SGPP2: variants seen among roughly 807,000 people sequenced by gnomAD.
SGPP2 encodes the protein sphingosine-1-phosphate phosphatase 2, also known as sphingosine 1-phosphate phosphohydrolase 2.
SGPP2 carries 30 observed loss-of-function variants against 33.9 expected under a neutral mutation model. The observed-to-expected ratio is 0.89, with a 90% confidence interval of 0.66 to 1.20. The LOEUF (loss-of-function observed/expected upper bound fraction) is 1.20. SGPP2 is among the 50% of genes most tolerant of loss of function. SGPP2 has a pLI of 0.00. For missense variants in SGPP2, 458 were observed against 532.1 expected, an observed-to-expected ratio of 0.86 and a Z score of 1.37; for synonymous variants, 233 against 225.0, an observed-to-expected ratio of 1.04 and a Z score of -0.32.
intron 2 of SGPP2, among the ~76,000 whole-genome samples, chr2:222,482,716 C>G (rs1393542563): frequency 6.6e-6 from 1 of 152,160 alleles, no homozygotes; most frequent in African/African-American, 2.4e-5. Context: ...AGACACAGCC[C>G]CTGGTGTAGT....
rs60235375 is a variant in SGPP2 at position 222,490,604 on chromosome 2, A to ATT, written c.378+15898_378+15899dup. ...AGGTACAAGCCAACACACCTGGCTA[A>ATT]TTTTTTTTTTTTTTTTTTTTTGTAA... On this transcript the variant is annotated intron_variant, in intron 2 of 4. Coordinates refer to ENST00000321276, the MANE Select transcript of SGPP2 (RefSeq NM_152386.4). Among the ~76,000 whole-genome samples, 931 of 115,420 alleles carry ATT rather than the reference A, an allele frequency of 8.1e-3. 11 individuals carry two copies. The highest frequency in any genetic ancestry group is 0.027 in the African/African-American group (867 of 32,664). The allele number at this position is 115,420 out of a possible 152,430, so 75.7% of individuals were successfully genotyped here.
In SGPP2 at chr2:222,465,531, C is replaced by T. The variant is rs1697732510; in HGVS notation, c.220-9037C>T. Among the ~76,000 whole-genome samples the T allele has an allele frequency of 1.3e-5, 2 of 152,126 alleles. No homozygotes were observed. The highest frequency in any genetic ancestry group is 4.8e-5 in the African/African-American group (2 of 41,408). ...CATGGTAGAAATGATGCCATTTCAC[C>T]CCAGTGGCTTTTCAGTTCAGAACTG... is the stretch of plus-strand genomic sequence containing the variant. On this transcript the variant is annotated intron_variant, in intron 1 of 4. Transcript: ENST00000321276. This position sits in a 1 kb window ranked among gnomAD's most constrained non-coding sequence, Gnocchi z 4.1.
chr2:222,452,786 G>A lies in SGPP2; in HGVS notation c.220-21782G>A, dbSNP rs1574838173. The A allele has an allele frequency of 1.4e-5, 22 of 1,525,902 alleles. No individual in the cohort carries two copies. In the South Asian group the frequency reaches 2.1e-4, roughly 15 times the overall value. The allele number at this position is 1,525,902 out of a possible 1,614,324, so 94.5% of individuals were successfully genotyped here. A position where few individuals can be genotyped will look rare whatever the true frequency, so the allele number is the denominator to read the frequency against. The stretch of plus-strand genomic sequence containing the variant: ...GGTGGTAAGAAGAGTAGAGGCTGGG[G>A]TAGGTAGGTGCTGAGGCCTGAGTCA... On this transcript the variant is annotated intron_variant, in intron 1 of 4. Transcript: ENST00000321276.
At chr2:222,533,274 G>A (rs1416148358) in intron 4 of SGPP2, among the ~76,000 whole-genome samples, 1 of 152,144 alleles carries the variant, frequency 6.6e-6, no homozygotes, top group Non-Finnish European at 1.5e-5. Flanking sequence ...TCCCTTTGGA[G>A]TGCCACCATT....
intron 3 of SGPP2, among the ~76,000 whole-genome samples, chr2:222,524,729 T>C (rs1378654396): frequency 2.0e-5 from 3 of 152,186 alleles, no homozygotes; most frequent in Non-Finnish European, 4.4e-5. Flanking sequence ...TTGTGAAACT[T>C]CCTCCCAGAA....
At chr2:222,546,594 G>C (rs542411062) in intron 4 of SGPP2, among the ~76,000 whole-genome samples, 9 of 152,214 alleles carry the variant, frequency 5.9e-5, no homozygotes, top group African/African-American at 2.2e-4. Flanking sequence ...CAGGAGCCAG[G>C]ACTCAACAGC....
At chr2:222,506,640 G>C (rs972449358) in intron 2 of SGPP2, among the ~76,000 whole-genome samples, 1 of 152,138 alleles carries the variant, frequency 6.6e-6, no homozygotes, top group East Asian at 1.9e-4. Flanking sequence ...AAGGCTTCCA[G>C]TCAACAGAAT....
intron 4 of SGPP2, among the ~76,000 whole-genome samples, chr2:222,540,620 A>G (rs1194287980): frequency 6.6e-6 from 1 of 151,986 alleles, no homozygotes; most frequent in Non-Finnish European, 1.5e-5. Context: ...GTAAATGTCA[A>G]GTGGATTGCA....
At chr2:222,537,800 G>A (rs1698936120) in intron 4 of SGPP2, among the ~76,000 whole-genome samples, 1 of 152,196 alleles carries the variant, frequency 6.6e-6, no homozygotes. Flanking sequence ...ACGTACAACA[G>A]TAAGGATTTA....
chr2:222,450,306 C>T (rs1331895879), intron 1 of SGPP2, among the ~76,000 whole-genome samples: 1 of 152,218 alleles, frequency 6.6e-6, no homozygotes, highest in Non-Finnish European at 1.5e-5. Context: ...TCTGCCCTTC[C>T]TGGGACTAAT....
At chr2:222,525,066 G>A (rs1553540097) in intron 4 of SGPP2, 33 bp downstream of exon 4, 3 of 1,516,086 alleles carry the variant, frequency 2.0e-6, no homozygotes, top group East Asian at 4.5e-5. Flanking sequence ...TGTGGTGATT[G>A]TTTGAATGAT....
intron 4 of SGPP2, among the ~76,000 whole-genome samples, chr2:222,547,759 C>T (rs1689226701): frequency 6.6e-6 from 1 of 152,116 alleles, no homozygotes; most frequent in East Asian, 1.9e-4. Context: ...CATATTCAGT[C>T]ATCTAACATA....
chr2:222,537,356 C>G lies in SGPP2; in HGVS notation c.648+12323C>G, dbSNP rs1309043758. ...AACCATAAATGTAATAGGTGATAGA[C>G]AAAGGGTAAATACAATGAATCAATG... On this transcript the variant is annotated intron_variant, in intron 4 of 4. Transcript: ENST00000321276. 5.3e-5 allele frequency among the ~76,000 whole-genome samples: 8 copies of G among 152,142 alleles called. No homozygotes were observed. The East Asian group carries it at 1.4e-3, about 26-fold the overall frequency.
At chr2:222,445,828 A>G (rs926755868) in intron 1 of SGPP2, among the ~76,000 whole-genome samples, 4 of 152,088 alleles carry the variant, frequency 2.6e-5, no homozygotes, top group Non-Finnish European at 4.4e-5. Flanking sequence ...TGGATCTACT[A>G]CCTGCCTCAT....
chr2:222,489,531 T>C (rs1046632039), intron 2 of SGPP2, among the ~76,000 whole-genome samples: 15 of 151,970 alleles, frequency 9.9e-5, no homozygotes, highest in Admixed American at 9.2e-4. Flanking sequence ...CCTAAATTTA[T>C]ACCATAGAAA....
chr2:222,445,043 C>T (rs1276129685), intron 1 of SGPP2, among the ~76,000 whole-genome samples: 2 of 152,306 alleles, frequency 1.3e-5, no homozygotes, highest in East Asian at 3.9e-4. Context: ...AGAGAGGATC[C>T]TTTAGAGGTC....
At chr2:222,425,192 C>A (rs925582310) in intron 1 of SGPP2, among the ~76,000 whole-genome samples, 9 of 151,938 alleles carry the variant, frequency 5.9e-5, no homozygotes, top group Non-Finnish European at 1.3e-4. Context: ...TTCTTAGACT[C>A]CCCCCCACCC....
intron 1 of SGPP2, among the ~76,000 whole-genome samples, chr2:222,436,704 GA>G (rs1697246315): frequency 6.6e-6 from 1 of 152,220 alleles, no homozygotes; most frequent in South Asian, 2.1e-4. Flanking sequence ...AGTCTTGGCA[GA>G]ACATTGCGTG....
intron 4 of SGPP2, among the ~76,000 whole-genome samples, chr2:222,538,197 T>A (rs1167039962): frequency 1.3e-5 from 2 of 151,832 alleles, no homozygotes; most frequent in Non-Finnish European, 1.5e-5. Flanking sequence ...CATGAAGGAG[T>A]TTTGGGGGGA....
Sources: allele counts gnomAD v4.1 joint callset (sites outside exome capture counted in the v4.1 genomes callset), GRCh38; gene constraint gnomAD v4.1.1; non-coding constraint Gnocchi (gnomAD v3.1); transcripts MANE v1.5; gene names NCBI Gene and HGNC (gene_info 2026-07-23, HGNC 2026-07-21).